PRKCA: variants seen among roughly 807,000 people sequenced by gnomAD.
The protein encoded by PRKCA is protein kinase C alpha.
In PRKCA, 27 loss-of-function variants were observed where a neutral mutation model predicts 87.0. The observed-to-expected ratio is 0.31, with a 90% CI of 0.23 to 0.43. PRKCA has a LOEUF of 0.43. PRKCA is among the 20% of genes least tolerant of loss of function. The pLI is 1.00. For synonymous variants in PRKCA, 329 were observed against 311.1 expected, an observed-to-expected ratio of 1.06 and a Z score of -0.61; for missense variants, 518 against 852.3, an observed-to-expected ratio of 0.61 and a Z score of 4.88.
chr17:66,532,980 G>A (rs1175120480), intron 3 of PRKCA, among the ~76,000 whole-genome samples: 1 of 152,226 alleles, frequency 6.6e-6, no homozygotes, highest in Non-Finnish European at 1.5e-5. Context: ...TTTCAGTGAA[G>A]GGGAACCCAC....
chr17:66,518,020 A>G (rs1377644410), intron 3 of PRKCA, among the ~76,000 whole-genome samples: 1 of 152,158 alleles, frequency 6.6e-6, no homozygotes, highest in Non-Finnish European at 1.5e-5. Flanking sequence ...CTTGGTACAC[A>G]TGTAGGTGAA....
At chr17:66,635,541 G>C (rs762876580) in intron 3 of PRKCA, among the ~76,000 whole-genome samples, 3 of 152,156 alleles carry the variant, frequency 2.0e-5, no homozygotes, top group African/African-American at 7.2e-5. Context: ...AGAGAAAAGC[G>C]TCCTAATTCT....
At chr17:66,716,551 G>A (rs139930028) in intron 8 of PRKCA, among the ~76,000 whole-genome samples, 8 of 152,180 alleles carry the variant, frequency 5.3e-5, no homozygotes, top group South Asian at 2.1e-4. Flanking sequence ...GGGAGAACGC[G>A]GTACAAGGGC....
chr17:66,776,140 G>A (rs1418737163), intron 14 of PRKCA, among the ~76,000 whole-genome samples: 15 of 152,230 alleles, frequency 9.9e-5, no homozygotes, highest in Admixed American at 8.5e-4. Flanking sequence ...TTGAGCTAGA[G>A]AGGGAGGGAG....
Position 66,788,920 on chromosome 17 carries a change from A to T in PRKCA, c.1795A>T (p.Arg599Trp), listed in dbSNP as rs763614166. 4 of 1,614,074 alleles carry T rather than the reference A, an allele frequency of 2.5e-6. No homozygotes were observed. In the South Asian group the frequency reaches 3.3e-5, roughly 13 times the overall value. The change falls in exon 16 of 17, where the codon AGG (arginine) becomes TGG (tryptophan). Residue 599 changes from arginine (R) to tryptophan (W), a missense_variant. By Grantham distance (101) the Arg-to-Trp change is moderately radical. Transcript: ENST00000413366. ...RDVREHAFFR[R>W]IDWEKLENRE... ...CGTGAGAGAGCATGCCTTCTTCCGG[A>T]GGATCGACTGGGAAAAACTGGAGAA... is the stretch of plus-strand genomic sequence containing the variant.
intron 2 of PRKCA, among the ~76,000 whole-genome samples, chr17:66,408,490 T>C (rs552407702): frequency 1.3e-5 from 2 of 152,362 alleles, no homozygotes; most frequent in East Asian, 3.9e-4. Context: ...TGACATAAAA[T>C]ACAGCTTGGG....
chr17:66,615,015 C>T (rs1052967716), intron 3 of PRKCA, among the ~76,000 whole-genome samples: 1 of 152,138 alleles, frequency 6.6e-6, no homozygotes, highest in African/African-American at 2.4e-5. Flanking sequence ...AGGAACCAGG[C>T]TTCTGTGTCT....
Position 66,587,725 on chromosome 17 carries a change from GTATACATATATACGTATATGTGTGTATAT to G in PRKCA, c.289-53629_289-53601del, listed in dbSNP as rs1969645848. 3.0e-5 allele frequency among the ~76,000 whole-genome samples: 2 copies of G among 66,188 alleles called. 1 individual carries two copies. The highest frequency in any genetic ancestry group is 3.3e-4 in the Admixed American group (2 of 5,972). 43.4% of individuals were successfully genotyped at this position (66,188 alleles called of 152,430 possible). ...CATATATACGTATATGTGTGTATAT[GTATACATATATACGTATATGTGTGTATAT>G]GTATACATATATACGTATATGTGTG... On this transcript the variant is annotated intron_variant, in intron 3 of 16. Coordinates refer to ENST00000413366, the MANE Select transcript of PRKCA (RefSeq NM_002737.3).
chr17:66,559,327 T>A (rs1035799165), intron 3 of PRKCA, among the ~76,000 whole-genome samples: 13 of 150,328 alleles, frequency 8.6e-5, no homozygotes, highest in Non-Finnish European at 1.5e-4. Flanking sequence ...AAAAAAAAAA[T>A]GAGCTGGGCG....
chr17:66,390,096 G>A lies in PRKCA; in HGVS notation c.205+83969G>A, dbSNP rs943266771. Among the ~76,000 whole-genome samples, 6 of 152,174 alleles carry A rather than the reference G, an allele frequency of 3.9e-5. No homozygotes were observed. The East Asian group carries it at 1.2e-3, about 29-fold the overall frequency. ...AAATTAGCCAGGTGTGATGGCGCAT[G>A]CCTGTAATCCCAGCTACTCGGAGGC... On this transcript the variant is annotated intron_variant, in intron 2 of 16. Transcript: ENST00000413366.
intron 16 of PRKCA, among the ~76,000 whole-genome samples, chr17:66,791,423 T>C (rs1209973388): frequency 6.6e-6 from 1 of 151,984 alleles, no homozygotes; most frequent in Non-Finnish European, 1.5e-5. Context: ...AGACAGGAAA[T>C]GGACCCACAG....
chr17:66,796,973 T>C (rs913149377), intron 16 of PRKCA: 6 of 985,312 alleles, frequency 6.1e-6, no homozygotes, highest in Non-Finnish European at 7.2e-6. Context: ...ATCTTTCCTC[T>C]TCTTCTGGGT....
intron 2 of PRKCA, among the ~76,000 whole-genome samples, chr17:66,377,107 C>T (rs1015074493): frequency 2.0e-5 from 3 of 152,152 alleles, no homozygotes; most frequent in African/African-American, 4.8e-5. Context: ...CTCACTGCAA[C>T]CTCTGCCTTC....
chr17:66,625,892 T>C (rs1206572445), intron 3 of PRKCA, among the ~76,000 whole-genome samples: 3 of 152,212 alleles, frequency 2.0e-5, no homozygotes, highest in East Asian at 3.9e-4. Flanking sequence ...ATCTTTAAAC[T>C]GGAGACTCTC....
At chr17:66,512,449 AC>A (rs1917275512) in intron 3 of PRKCA, among the ~76,000 whole-genome samples, 2 of 140,576 alleles carry the variant, frequency 1.4e-5, no homozygotes, top group African/African-American at 5.3e-5. Flanking sequence ...TCCAACAACA[AC>A]AAAAAAAGTG....
chr17:66,735,460 T>C (rs1258069057), intron 9 of PRKCA, 29 bp from the exon 10 acceptor site: 2 of 1,613,914 alleles, frequency 1.2e-6, no homozygotes, highest in African/African-American at 1.3e-5. Context: ...TGCTTACAAG[T>C]GTTCAGGTTG....
At chr17:66,518,551 C>G (rs1420305485) in intron 3 of PRKCA, among the ~76,000 whole-genome samples, 1 of 152,128 alleles carries the variant, frequency 6.6e-6, no homozygotes, top group Non-Finnish European at 1.5e-5. Flanking sequence ...AAGGTTTGTT[C>G]TATTTTTACG....
intron 16 of PRKCA, among the ~76,000 whole-genome samples, chr17:66,794,624 GTT>G (rs71367182): frequency 7.3e-6 from 1 of 136,896 alleles, no homozygotes; most frequent in Non-Finnish European, 1.6e-5. Flanking sequence ...GGGGTTTTTT[GTT>G]TTTTTTTTTT....
chr17:66,626,708 T>C (rs1486834827), intron 3 of PRKCA, among the ~76,000 whole-genome samples: 1 of 152,064 alleles, frequency 6.6e-6, no homozygotes, highest in South Asian at 2.1e-4. Flanking sequence ...GTTTTTGCCA[T>C]GTTGGCCAGG....
Sources: gnomAD v4.1 joint callset for allele counts (sites outside exome capture counted in the v4.1 genomes callset) on GRCh38, gnomAD v4.1.1 for gene constraint, MANE v1.5 for transcripts, NCBI Gene and HGNC (gene_info 2026-07-23, HGNC 2026-07-21) for gene names.